The following FAM228A variants were observed in gnomAD, a reference collection of about 807,000 sequenced individuals.
The protein encoded by FAM228A is protein FAM228A.
A neutral mutation model predicts 18.6 loss-of-function variants in FAM228A; 13 were observed. The ratio of observed to expected loss-of-function variants is 0.70; its 90% CI spans 0.45 to 1.11. The LOEUF is 1.11. FAM228A is among the 50% of genes least tolerant of loss of function. FAM228A has a pLI of 0.00. For synonymous variants in FAM228A, 77 were observed against 86.6 expected, an observed-to-expected ratio of 0.89 and a Z score of 0.61; for missense variants, 240 against 242.2, an observed-to-expected ratio of 0.99 and a Z score of 0.06.
At chr2:24,186,596 A>G (rs1200103060) in intron 5 of FAM228A, among the ~76,000 whole-genome samples, 2 of 151,650 alleles carry the variant, frequency 1.3e-5, no homozygotes, top group African/African-American at 2.4e-5. Context: ...GCATTTATTG[A>G]TATTTAATTT....
chr2:24,176,907 G>A (rs938167400), intron 2 of FAM228A, among the ~76,000 whole-genome samples: 1 of 152,172 alleles, frequency 6.6e-6, no homozygotes, highest in Non-Finnish European at 1.5e-5. Flanking sequence ...AAAAGCTAGA[G>A]ATTAGTGCAT....
chr2:24,175,957 C>A, intron 2 of FAM228A: 1 of 1,024,030 alleles, frequency 9.8e-7, no homozygotes, highest in Middle Eastern at 4.8e-4. Flanking sequence ...TTGGAAATTT[C>A]CTTTCTTTTT....
chr2:24,177,833 T>G lies in FAM228A; in HGVS notation c.125T>G (p.Val42Gly). ...VLAREDIDEA[V>G]CAILFKENSI... ...GCTAGAGAAGACATTGATGAAGCAG[T>G]ATGTGCAATATTATTTAAAGAAAAT... Residue 42 changes from valine (V) to glycine (G), a missense_variant, in exon 3 of 6, where the codon GTA (valine) becomes GGA (glycine). Coordinates refer to ENST00000295150, the MANE Select transcript of FAM228A (RefSeq NM_001040710.3). The G allele has an allele frequency of 1.9e-6, 3 of 1,601,210 alleles. No homozygotes were observed. The highest frequency in any genetic ancestry group is 1.1e-5 in the South Asian group (1 of 89,914).
intron 2 of FAM228A, among the ~76,000 whole-genome samples, 186 bp from the exon 3 acceptor site, chr2:24,177,616 T>A (rs1396311241): frequency 6.6e-6 from 1 of 152,108 alleles, no homozygotes; most frequent in Non-Finnish European, 1.5e-5. Flanking sequence ...AAGATTGACT[T>A]GGAATTAATC....
At chr2:24,189,518 G>C (rs756826191) in intron 5 of FAM228A, among the ~76,000 whole-genome samples, 2 of 151,832 alleles carry the variant, frequency 1.3e-5, no homozygotes, top group Non-Finnish European at 2.9e-5. Context: ...TCCTCCATCA[G>C]CAAGCCCCTT....
At chr2:24,189,306 T>A (rs1262470326) in intron 5 of FAM228A, among the ~76,000 whole-genome samples, 1 of 152,218 alleles carries the variant, frequency 6.6e-6, no homozygotes, top group African/African-American at 2.4e-5. Context: ...TCCGGCCTCA[T>A]CACAGAAGTC....
intron 3 of FAM228A, among the ~76,000 whole-genome samples, chr2:24,179,995 C>CT (rs1558402984): frequency 6.6e-6 from 1 of 152,156 alleles, no homozygotes; most frequent in East Asian, 1.9e-4. Flanking sequence ...ATACTCTGTT[C>CT]TACAGTTTGG....
chr2:24,190,882 GCTTTTC>G lies in FAM228A; in HGVS notation c.*253_*258del. ...GGTGAGGGCCAACCTGGCCACAGGG[GCTTTTC>G]CCCCTGAGATTTCTTCAGCGCCTTC... On this transcript the variant is annotated 3_prime_UTR_variant, in exon 6 of 6. Coordinates refer to ENST00000295150, the MANE Select transcript of FAM228A (RefSeq NM_001040710.3). 1 of 1,195,728 alleles carries G rather than the reference GCTTTTC, an allele frequency of 8.4e-7. No individual in the cohort carries two copies. Among genetic ancestry groups the G allele is most frequent in the Non-Finnish European group, 1.0e-6 (1 of 963,092 alleles). The allele number at this position is 1,195,728 out of a possible 1,614,324, so 74.1% of individuals were successfully genotyped here.
intron 5 of FAM228A, among the ~76,000 whole-genome samples, chr2:24,185,225 G>A (rs998290040): frequency 6.6e-6 from 1 of 151,984 alleles, no homozygotes; most frequent in African/African-American, 2.4e-5. Context: ...TCCCTTTAAT[G>A]ATACCCATTT....
At chr2:24,185,865 C>A (rs996669680) in intron 5 of FAM228A, among the ~76,000 whole-genome samples, 4 of 151,878 alleles carry the variant, frequency 2.6e-5, no homozygotes, top group Non-Finnish European at 5.9e-5. Context: ...CTTACTTATT[C>A]CTATTTTATT....
intron 2 of FAM228A, 29 bp downstream of exon 2, chr2:24,175,602 A>G: frequency 1.3e-6 from 2 of 1,548,808 alleles, no homozygotes; most frequent in Non-Finnish European, 1.8e-6. Flanking sequence ...TTGAGACGTC[A>G]TTTTGGCGGG....
intron 5 of FAM228A, among the ~76,000 whole-genome samples, chr2:24,187,387 A>C (rs10173949): frequency 0.23 from 35,474 of 152,104 alleles, 4,711 homozygotes; most frequent in Non-Finnish European, 0.3. Context: ...AACCTCCTCC[A>C]CTGTTGACAT....
rs187579791 is a variant in FAM228A at position 24,189,886 on chromosome 2, C to T, written c.402-526C>T. On this transcript the variant is annotated intron_variant, in intron 5 of 5. Transcript: ENST00000295150. Reference sequence around the variant, plus strand: ...GCATTGGTATGTCATGGAAGCCAAGCCAGGAAGGGAGCCAGGCTGCTCGGG... The same window carrying T: ...GCATTGGTATGTCATGGAAGCCAAGTCAGGAAGGGAGCCAGGCTGCTCGGG... 5.3e-5 allele frequency among the ~76,000 whole-genome samples: 8 copies of T among 152,144 alleles called. No homozygotes were observed. In the East Asian group the frequency reaches 1.4e-3, roughly 26 times the overall value.
At chr2:24,181,073 C>CA (rs11409408) in intron 3 of FAM228A, among the ~76,000 whole-genome samples, 90,712 of 151,886 alleles carry the variant, frequency 0.6, 28,008 homozygotes, top group East Asian at 0.74. Flanking sequence ...TTAAAATTAC[C>CA]AAAAAAAGTA....
intron 2 of FAM228A, 22 bp from the exon 3 acceptor site, chr2:24,177,780 A>G: frequency 7.3e-7 from 1 of 1,361,020 alleles, no homozygotes; most frequent in South Asian, 1.2e-5. Context: ...TCACATCTTA[A>G]TATTCAATTC....
intron 3 of FAM228A, among the ~76,000 whole-genome samples, chr2:24,178,254 T>G (rs894405881): frequency 6.6e-6 from 1 of 152,198 alleles, no homozygotes; most frequent in African/African-American, 2.4e-5. Context: ...CAGTAACTGA[T>G]AGTCACTACG....
chr2:24,177,748 T>G, intron 2 of FAM228A, 54 bp from the exon 3 acceptor site: 1 of 999,772 alleles, frequency 1.0e-6, no homozygotes, highest in Non-Finnish European at 1.6e-6. Flanking sequence ...AGTTTTGTCA[T>G]TGTAGTTTGT....
At chr2:24,190,024 G>A (rs1668042389) in intron 5 of FAM228A, among the ~76,000 whole-genome samples, 1 of 152,160 alleles carries the variant, frequency 6.6e-6, no homozygotes, top group African/African-American at 2.4e-5. Flanking sequence ...AACCTGCTCT[G>A]TTTCTCTTTC....
intron 3 of FAM228A, 142 bp downstream of exon 3, chr2:24,178,012 T>G (rs1364737593): frequency 1.8e-6 from 1 of 569,092 alleles, no homozygotes; most frequent in Non-Finnish European, 3.1e-6. Flanking sequence ...TTTACTTGTT[T>G]GTACTACATG....
Sources: allele counts gnomAD v4.1 joint callset (sites outside exome capture counted in the v4.1 genomes callset), GRCh38; gene constraint gnomAD v4.1.1; transcripts MANE v1.5; gene names NCBI Gene and HGNC (gene_info 2026-07-23, HGNC 2026-07-21).